NOL4L: variants seen among roughly 807,000 people sequenced by gnomAD.
NOL4L encodes nucleolar protein 4-like.
Under a neutral mutation model 64.5 loss-of-function variants are expected in NOL4L, and 7 were observed. The ratio of observed to expected loss-of-function variants is 0.11; its 90% CI spans 0.06 to 0.20. The LOEUF (loss-of-function observed/expected upper bound fraction) is 0.20, where lower values mean the gene tolerates loss of function less well. Among genes scored for constraint, NOL4L ranks in the 10% least tolerant of loss-of-function variants. The probability of loss-of-function intolerance (pLI) is 1.00; values close to 1 mark genes in which losing one functional copy is unlikely to be tolerated. For synonymous variants in NOL4L, 413 were observed against 401.0 expected (o/e 1.03, Z -0.36); for missense variants, 680 against 967.1 (o/e 0.70, Z 3.94).
At chr20:32,527,964 A>C in intron 1 of NOL4L, 51 bp from the exon 2 acceptor site, 1 of 1,481,106 alleles carries the variant, frequency 6.8e-7, no homozygotes. Context: ...TGGCGGGGTG[A>C]GAACTGGGCC....
chr20:32,551,641 T>C (rs977730107), intron 1 of NOL4L, among the ~76,000 whole-genome samples: 6 of 151,838 alleles, frequency 4.0e-5, no homozygotes, highest in Non-Finnish European at 5.9e-5. Context: ...ACAGTAGTGG[T>C]TGTCTCCCTA....
At chr20:32,451,724 C>G (rs2145425285) in intron 10 of NOL4L, 1 of 152,700 alleles carries the variant, frequency 6.5e-6, no homozygotes, top group Admixed American at 6.5e-5. Context: ...GTGAGGAAAG[C>G]TTTCACCTCA....
intron 5 of NOL4L, among the ~76,000 whole-genome samples, chr20:32,459,875 C>T (rs2145444684): frequency 6.6e-6 from 1 of 152,152 alleles, no homozygotes; most frequent in East Asian, 1.9e-4. Context: ...TAAATGGGTA[C>T]ACAAATGTGG....
At chr20:32,509,315 C>T (rs1005394746) in intron 4 of NOL4L, among the ~76,000 whole-genome samples, 26 of 151,996 alleles carry the variant, frequency 1.7e-4, no homozygotes, top group South Asian at 1.0e-3. Context: ...CCCAGGAGTT[C>T]GAGACCAGCC....
At chr20:32,459,991 C>T (rs899033593) in intron 5 of NOL4L, among the ~76,000 whole-genome samples, 21 of 152,152 alleles carry the variant, frequency 1.4e-4, no homozygotes, top group Middle Eastern at 3.2e-3. Flanking sequence ...ACAGGCCAGA[C>T]GGACAAGGAT....
chr20:32,575,892 A>G (rs772774416), intron 1 of NOL4L, among the ~76,000 whole-genome samples: 1 of 152,202 alleles, frequency 6.6e-6, no homozygotes, highest in Non-Finnish European at 1.5e-5. Context: ...CAAAGACCTG[A>G]AGAGGGAGAA....
intron 1 of NOL4L, among the ~76,000 whole-genome samples, chr20:32,561,958 C>T (rs1979047760): frequency 6.6e-6 from 1 of 152,096 alleles, no homozygotes; most frequent in African/African-American, 2.4e-5. Flanking sequence ...CACTGCACTC[C>T]AGCCTGGGTG....
intron 1 of NOL4L, among the ~76,000 whole-genome samples, chr20:32,532,776 A>G (rs2018390312): frequency 6.6e-6 from 1 of 152,204 alleles, no homozygotes; most frequent in Non-Finnish European, 1.5e-5. Context: ...AGCTTCCTGG[A>G]AACACCTAGC....
rs1261764345 is a variant in NOL4L at position 32,488,832 on chromosome 20, T to C, written c.700-14090A>G. Among the ~76,000 whole-genome samples, 452 of 54,300 alleles carry C rather than the reference T, an allele frequency of 8.3e-3. 29 individuals are homozygous for C. The highest frequency in any genetic ancestry group is 0.051 in the African/African-American group (409 of 7,970). 35.6% of individuals were successfully genotyped at this position (54,300 alleles called of 152,430 possible). A position where few individuals can be genotyped will look rare whatever the true frequency, so the allele number is the denominator to read the frequency against. On this transcript the variant is annotated intron_variant, in intron 4 of 10. Coordinates refer to ENST00000621426, the MANE Select transcript of NOL4L (RefSeq NM_001256798.2). ...TTCTTTCTTTCTTTCTTTCTTTTTC[T>C]TTCTTTCTTTCTTTCTTTCTTTCTT... is the stretch of plus-strand genomic sequence containing the variant.
intron 10 of NOL4L, among the ~76,000 whole-genome samples, chr20:32,448,270 G>A (rs905189800): frequency 6.6e-6 from 1 of 152,204 alleles, no homozygotes; most frequent in Non-Finnish European, 1.5e-5. Flanking sequence ...TGGTGTGCAG[G>A]AGACTCTGCA....
intron 4 of NOL4L, among the ~76,000 whole-genome samples, chr20:32,501,306 A>G (rs293559): frequency 0.54 from 81,991 of 152,132 alleles, 24,349 homozygotes; most frequent in East Asian, 0.99. Flanking sequence ...CAAAATACAC[A>G]ACTAGTACTC....
At chr20:32,524,324 G>T (rs978694636) in intron 2 of NOL4L, among the ~76,000 whole-genome samples, 1 of 151,952 alleles carries the variant, frequency 6.6e-6, no homozygotes, top group African/African-American at 2.4e-5. Flanking sequence ...ACTCGAAATG[G>T]GAATCCCTGC....
chr20:32,491,048 A>G (rs902613852), intron 4 of NOL4L, among the ~76,000 whole-genome samples: 5 of 152,196 alleles, frequency 3.3e-5, no homozygotes, highest in African/African-American at 1.2e-4. Flanking sequence ...ACACATATGT[A>G]CAGAGCCACT....
rs2016228144 is a variant in NOL4L at position 32,488,774 on chromosome 20, C to CCTTCCTTCCTTTCTTCCTTT, written c.700-14033_700-14032insAAAGGAAGAAAGGAAGGAAG. The stretch of plus-strand genomic sequence containing the variant: ...TCCTTCCTTCCTTCCTTCCTTCCTT[C>CCTTCCTTCCTTTCTTCCTTT]CTTCCTTCCTTCCTTCCTTTCTTTC... On this transcript the variant is annotated intron_variant, in intron 4 of 10. Coordinates refer to ENST00000621426, the MANE Select transcript of NOL4L (RefSeq NM_001256798.2). Among the ~76,000 whole-genome samples the CCTTCCTTCCTTTCTTCCTTT allele has an allele frequency of 1.5e-4, 8 of 52,162 alleles. 1 individual carries two copies. Among genetic ancestry groups the CCTTCCTTCCTTTCTTCCTTT allele is most frequent in the African/African-American group, 8.0e-4 (4 of 4,990 alleles). 34.2% of individuals were successfully genotyped at this position (52,162 alleles called of 152,430 possible). A position where few individuals can be genotyped will look rare whatever the true frequency, so the allele number is the denominator to read the frequency against.
intron 1 of NOL4L, among the ~76,000 whole-genome samples, chr20:32,570,341 C>T (rs1005365156): frequency 6.6e-6 from 1 of 152,194 alleles, no homozygotes; most frequent in African/African-American, 2.4e-5. Flanking sequence ...TTAGGCGCTG[C>T]GTTGGCTGTC....
chr20:32,528,293 T>G (rs1210695121), intron 1 of NOL4L, among the ~76,000 whole-genome samples: 1 of 152,118 alleles, frequency 6.6e-6, no homozygotes, highest in Admixed American at 6.5e-5. Flanking sequence ...TGCGGCCCCA[T>G]CAGGAGCTCG....
intron 4 of NOL4L, among the ~76,000 whole-genome samples, chr20:32,480,423 C>T (rs1039027436): frequency 5.3e-5 from 8 of 152,162 alleles, no homozygotes; most frequent in Admixed American, 2.6e-4. Context: ...TATACAGCCC[C>T]CAGGCTTGTT....
At position 32,464,954 on chromosome 20, in the gene NOL4L, G is replaced by A. The variant is rs2014415403; in HGVS notation, c.842-8559C>T. ...CTGCACTAGCCTTTTCCAAGGCTCA[G>A]TAGCCGTCCTTGGCTAATGAATTAG... On this transcript the variant is annotated intron_variant, in intron 5 of 10. Transcript: ENST00000621426. The surrounding 1 kb of genome is among the most constrained non-coding windows in gnomAD (Gnocchi z 5.6). 2 of 542,536 alleles carry A rather than the reference G, an allele frequency of 3.7e-6. No individual in the cohort carries two copies. Among genetic ancestry groups the A allele is most frequent in the African/African-American group, 2.0e-5 (1 of 50,078 alleles). The allele number at this position is 542,536 out of a possible 1,614,324, so 33.6% of individuals were successfully genotyped here.
Position 32,464,949 on chromosome 20 carries a change from G to C in NOL4L, c.842-8554C>G, listed in dbSNP as rs1338260135. The C allele has an allele frequency of 1.9e-6, 1 of 535,532 alleles. No individual in the cohort carries two copies. Among genetic ancestry groups the C allele is most frequent in the Non-Finnish European group, 3.4e-6 (1 of 293,426 alleles). 33.2% of individuals were successfully genotyped at this position (535,532 alleles called of 1,614,324 possible). A position where few individuals can be genotyped will look rare whatever the true frequency, so the allele number is the denominator to read the frequency against. ...CCTGTCTGCACTAGCCTTTTCCAAG[G>C]CTCAGTAGCCGTCCTTGGCTAATGA... On this transcript the variant is annotated intron_variant, in intron 5 of 10. Transcript: ENST00000621426. This position sits in a 1 kb window ranked among gnomAD's most constrained non-coding sequence, Gnocchi z 5.6.
Sources: gnomAD v4.1 joint callset for allele counts (sites outside exome capture counted in the v4.1 genomes callset) on GRCh38, gnomAD v4.1.1 for gene constraint, Gnocchi (gnomAD v3.1) non-coding constraint, MANE v1.5 for transcripts, NCBI Gene and HGNC (gene_info 2026-07-23, HGNC 2026-07-21) for gene names.